Variants in SUPT20HL2 observed in about 807,000 individuals in gnomAD.
The protein encoded by SUPT20HL2 is SUPT20H like 2, also known as transcription factor SPT20 homolog-like 2.
For synonymous variants in SUPT20HL2, 125 were observed against 51.6 expected (o/e 2.42, Z -6.10); for missense variants, 288 against 127.4 (o/e 2.26, Z -6.07).
chrX:24,312,963 G>C lies in SUPT20HL2; in HGVS notation c.353C>G (p.Ala118Gly), dbSNP rs1939148927. 2.7e-6 allele frequency: 1 copy of C among 367,533 alleles called. No homozygotes were observed. The highest frequency in any genetic ancestry group is 5.4e-6 in the Non-Finnish European group (1 of 184,607). 30.3% of individuals were successfully genotyped at this position (367,533 alleles called of 1,213,427 possible). A position where few individuals can be genotyped will look rare whatever the true frequency, so the allele number is the denominator to read the frequency against. The change falls in exon 1 of 1, where the codon GCA (alanine) becomes GGA (glycine). Residue 118 changes from alanine (A) to glycine (G), a missense_variant. Coordinates refer to ENST00000486479, the MANE Select transcript of SUPT20HL2 (RefSeq NM_001136233.3). The stretch of plus-strand genomic sequence containing the variant: ...ACCCAAAGCAGGGGGTAATTCTTCT[G>C]CATCCAAGTAGTCCAGCAATGCCCT... Reference protein sequence around the residue: ...EERALLDYLDAEELPPALGDV... With the variant: ...EERALLDYLDGEELPPALGDV...
At position 24,309,950 on chromosome X, in the gene SUPT20HL2, G is replaced by A. The variant is rs1353224654; in HGVS notation, c.*912C>T. Among the ~76,000 whole-genome samples the A allele has an allele frequency of 9.2e-6, 1 of 108,925 alleles. No homozygotes were observed. Among genetic ancestry groups the A allele is most frequent in the Non-Finnish European group, 1.9e-5 (1 of 52,464 alleles). 94.6% of individuals were successfully genotyped at this position (108,925 alleles called of 115,157 possible). A position where few individuals can be genotyped will look rare whatever the true frequency, so the allele number is the denominator to read the frequency against. ...GCAGTGTGACAAGCATCACTGTACTGTACTTTTTTTTCATTTTTCAAAATG... is the reference window on the plus strand; with the variant it reads ...GCAGTGTGACAAGCATCACTGTACTATACTTTTTTTTCATTTTTCAAAATG... On this transcript the variant is annotated 3_prime_UTR_variant, in exon 1 of 1. Coordinates refer to ENST00000486479, the MANE Select transcript of SUPT20HL2 (RefSeq NM_001136233.3).
rs187541219 is a variant in SUPT20HL2 at position 24,310,207 on chromosome X, C to T, written c.*655G>A. Among the ~76,000 whole-genome samples the T allele has an allele frequency of 9.0e-6, 1 of 111,370 alleles. No homozygotes were observed. Among genetic ancestry groups the T allele is most frequent in the East Asian group, 2.8e-4 (1 of 3,560 alleles). On this transcript the variant is annotated 3_prime_UTR_variant, in exon 1 of 1. Transcript: ENST00000486479. ...AAGCCACTCACCAAGTGACAAATGC[C>T]ATATGATTCCACTTCCATGAAATGG...
rs775040325 is a variant in SUPT20HL2 at position 24,308,682 on chromosome X, AG to A, written c.*2179del. Among the ~76,000 whole-genome samples the A allele has an allele frequency of 1.8e-5, 2 of 112,234 alleles. No individual in the cohort carries two copies. The highest frequency in any genetic ancestry group is 5.6e-4 in the East Asian group (2 of 3,587). ...AACAGAGAAATGTACATGTGTACCTAGAAAAACTAATATTACATAGGGTACC... is the reference window on the plus strand; with the variant it reads ...AACAGAGAAATGTACATGTGTACCTAAAAAACTAATATTACATAGGGTACC... On this transcript the variant is annotated 3_prime_UTR_variant, in exon 1 of 1. Transcript: ENST00000486479.
chrX:24,310,508 T>A lies in SUPT20HL2; in HGVS notation c.*354A>T, dbSNP rs1939113294. 8.9e-6 allele frequency among the ~76,000 whole-genome samples: 1 copy of A among 112,732 alleles called. No homozygotes were observed. The highest frequency in any genetic ancestry group is 1.9e-5 in the Non-Finnish European group (1 of 53,373). Reference sequence around the variant, plus strand: ...ATATTAACTTAAAATTAAAATCTTGTTAAAATATTAACTTAACATTGTTGG... The same window carrying A: ...ATATTAACTTAAAATTAAAATCTTGATAAAATATTAACTTAACATTGTTGG... On this transcript the variant is annotated 3_prime_UTR_variant, in exon 1 of 1. Transcript: ENST00000486479.
At position 24,312,355 on chromosome X, in the gene SUPT20HL2, C is replaced by T. The variant is rs1939140941; in HGVS notation, c.961G>A (p.Ala321Thr). The T allele has an allele frequency of 5.2e-6, 2 of 385,638 alleles. No homozygotes were observed. The highest frequency in any genetic ancestry group is 1.0e-5 in the Non-Finnish European group (2 of 192,357). The allele number at this position is 385,638 out of a possible 1,213,427, so 31.8% of individuals were successfully genotyped here. A position where few individuals can be genotyped will look rare whatever the true frequency, so the allele number is the denominator to read the frequency against. Reference protein sequence around the residue: ...LAKGYQSVTAADPQLPVWPAQ... With the variant: ...LAKGYQSVTATDPQLPVWPAQ... ...GGCCAGACTGGGAGCTGTGGGTCAG[C>T]AGCTGTGACGGACTGATACCCTTTA... The change falls in exon 1 of 1, where the codon GCT becomes ACT. Residue 321 changes from alanine (A) to threonine (T), a missense_variant. Transcript: ENST00000486479.
Position 24,309,728 on chromosome X carries a change from T to TAA in SUPT20HL2, c.*1132_*1133dup, listed in dbSNP as rs1939098610. On this transcript the variant is annotated 3_prime_UTR_variant, in exon 1 of 1. Transcript: ENST00000486479. ...ATTAAAAAAAAAAAGAAAAAAATAA[T>TAA]AAAAATAAAAAAAAAAAGAAAAAAA... Among the ~76,000 whole-genome samples the TAA allele has an allele frequency of 2.0e-3, 25 of 12,762 alleles. No individual in the cohort carries two copies. The highest frequency in any genetic ancestry group is 2.9e-3 in the Admixed American group (2 of 687). 11.1% of individuals were successfully genotyped at this position (12,762 alleles called of 115,157 possible). A position where few individuals can be genotyped will look rare whatever the true frequency, so the allele number is the denominator to read the frequency against.
At position 24,309,734 on chromosome X, in the gene SUPT20HL2, T is replaced by TAAAAAAAAAAATAAAAAAAAAAAAA. The variant is rs1429702092; in HGVS notation, c.*1127_*1128insTTTTTTTTTTTTTATTTTTTTTTTT. On this transcript the variant is annotated 3_prime_UTR_variant, in exon 1 of 1. Coordinates refer to ENST00000486479, the MANE Select transcript of SUPT20HL2 (RefSeq NM_001136233.3). Reference sequence around the variant, plus strand: ...AAAAAAAAGAAAAAAATAATAAAAATAAAAAAAAAAAGAAAAAAAAAAAAA... The same window carrying TAAAAAAAAAAATAAAAAAAAAAAAA: ...AAAAAAAAGAAAAAAATAATAAAAATAAAAAAAAAAATAAAAAAAAAAAAAAAAAAAAAAAAGAAAAAAAAAAAAA... 6.4e-5 allele frequency among the ~76,000 whole-genome samples: 1 copy of TAAAAAAAAAAATAAAAAAAAAAAAA among 15,706 alleles called. No individual in the cohort carries two copies. The highest frequency in any genetic ancestry group is 9.6e-5 in the Non-Finnish European group (1 of 10,392). 13.6% of individuals were successfully genotyped at this position (15,706 alleles called of 115,157 possible). A position where few individuals can be genotyped will look rare whatever the true frequency, so the allele number is the denominator to read the frequency against.
At position 24,308,351 on chromosome X, in the gene SUPT20HL2, C is replaced by T; in HGVS notation, c.*2511G>A. On this transcript the variant is annotated 3_prime_UTR_variant, in exon 1 of 1. Transcript: ENST00000486479. ...GGAGAAAGCACACCAAATTTGGTGA[C>T]ATACTGAATTCAGGTCACTGCTTAG... 2.7e-6 allele frequency: 1 copy of T among 372,992 alleles called. No individual in the cohort carries two copies. The highest frequency in any genetic ancestry group is 7.5e-5 in the East Asian group (1 of 13,365). 30.7% of individuals were successfully genotyped at this position (372,992 alleles called of 1,213,427 possible).
chrX:24,308,859 T>C lies in SUPT20HL2; in HGVS notation c.*2003A>G, dbSNP rs1424374378. On this transcript the variant is annotated 3_prime_UTR_variant, in exon 1 of 1. Coordinates refer to ENST00000486479, the MANE Select transcript of SUPT20HL2 (RefSeq NM_001136233.3). ...ACAAAAATGTGCTATATACAAACAA[T>C]GGAATGTTATCGAACCACAGAAAGG... Among the ~76,000 whole-genome samples, 1 of 111,841 alleles carries C rather than the reference T, an allele frequency of 8.9e-6. No individual in the cohort carries two copies. Among genetic ancestry groups the C allele is most frequent in the Non-Finnish European group, 1.9e-5 (1 of 53,241 alleles).
rs766260761 is a variant in SUPT20HL2, at chrX:24,313,943, C to T, written c.-628G>A. ...GGGTCAGCTTCTAGGCGCGTCTGGG[C>T]ACCTGCCCAGAAACCTGCCCCCAGG... is the stretch of plus-strand genomic sequence containing the variant. On this transcript the variant is annotated 5_prime_UTR_variant, in exon 1 of 1. Transcript: ENST00000486479. 1.0e-4 allele frequency: 37 copies of T among 363,925 alleles called. 1 individual carries two copies. The highest frequency in any genetic ancestry group is 8.3e-4 in the South Asian group (34 of 41,208). 30.0% of individuals were successfully genotyped at this position (363,925 alleles called of 1,213,427 possible).
chrX:24,308,274 C>T lies in SUPT20HL2; in HGVS notation c.*2588G>A. The T allele has an allele frequency of 2.7e-6, 1 of 375,154 alleles. No individual in the cohort carries two copies. The highest frequency in any genetic ancestry group is 2.3e-5 in the South Asian group (1 of 42,770). The allele number at this position is 375,154 out of a possible 1,213,427, so 30.9% of individuals were successfully genotyped here. A position where few individuals can be genotyped will look rare whatever the true frequency, so the allele number is the denominator to read the frequency against. ...GGAAGGGAAGGTCACATCACTGAAG[C>T]ACAAATTTGGCTGTTGTCTCCATGT... On this transcript the variant is annotated 3_prime_UTR_variant, in exon 1 of 1. Coordinates refer to ENST00000486479, the MANE Select transcript of SUPT20HL2 (RefSeq NM_001136233.3).
rs1939088877 is a variant in SUPT20HL2, at chrX:24,309,088, G to C, written c.*1774C>G. ...CACGCTAGTGCTTAATGGGTACAGA[G>C]ATTGCTTGGTGGGTGATGAAAATGT... is the stretch of plus-strand genomic sequence containing the variant. On this transcript the variant is annotated 3_prime_UTR_variant, in exon 1 of 1. Transcript: ENST00000486479. 9.0e-6 allele frequency among the ~76,000 whole-genome samples: 1 copy of C among 111,367 alleles called. No individual in the cohort carries two copies. The highest frequency in any genetic ancestry group is 1.9e-5 in the Non-Finnish European group (1 of 52,813).
At position 24,312,409 on chromosome X, in the gene SUPT20HL2, G is replaced by A. The variant is rs181265562; in HGVS notation, c.907C>T (p.Pro303Ser). The stretch of plus-strand genomic sequence containing the variant: ...AGTTTCTCCACATCCACTTCTGAAG[G>A]CACGGCCAAATCACAGGGTCTGCCT... ...WKGRPCDLAVPSEVDVEKLAK... is the reference protein window; with the variant it reads ...WKGRPCDLAVSSEVDVEKLAK... The change falls in exon 1 of 1, where the codon CCT becomes TCT. Residue 303 changes from proline to serine, a missense_variant. Transcript: ENST00000486479. The A allele has an allele frequency of 1.8e-4, 69 of 384,985 alleles. No homozygotes were observed. Among genetic ancestry groups the A allele is most frequent in the Non-Finnish European group, 2.9e-4 (55 of 192,315 alleles). The allele number at this position is 384,985 out of a possible 1,213,427, so 31.7% of individuals were successfully genotyped here. A position where few individuals can be genotyped will look rare whatever the true frequency, so the allele number is the denominator to read the frequency against.
chrX:24,311,451 T>A lies in SUPT20HL2; in HGVS notation c.1865A>T (p.Asp622Val). The A allele has an allele frequency of 2.6e-6, 1 of 387,475 alleles. No individual in the cohort carries two copies. Among genetic ancestry groups the A allele is most frequent in the Non-Finnish European group, 5.2e-6 (1 of 192,665 alleles). The allele number at this position is 387,475 out of a possible 1,213,427, so 31.9% of individuals were successfully genotyped here. ...TGCCTGCACTGCACCGGGCCTTGCATCTGGTAGTGGACCTCCTGAGGACTG... is the reference window on the plus strand; with the variant it reads ...TGCCTGCACTGCACCGGGCCTTGCAACTGGTAGTGGACCTCCTGAGGACTG... ...GLQSSGGPLP[D>V]ARPGAVQASS... The change falls in exon 1 of 1, where the codon GAT (aspartate) becomes GTT (valine). Residue 622 changes from aspartate to valine, a missense_variant. Transcript: ENST00000486479.
At position 24,313,526 on chromosome X, in the gene SUPT20HL2, T is replaced by A. The variant is rs1161952907; in HGVS notation, c.-211A>T. 2.8e-5 allele frequency among the ~76,000 whole-genome samples: 3 copies of A among 107,198 alleles called. No homozygotes were observed. The highest frequency in any genetic ancestry group is 5.8e-5 in the Non-Finnish European group (3 of 51,859). The allele number at this position is 107,198 out of a possible 115,157, so 93.1% of individuals were successfully genotyped here. A position where few individuals can be genotyped will look rare whatever the true frequency, so the allele number is the denominator to read the frequency against. ...TCTGAAAACATGGGTACCTGAGGGG[T>A]CGTCGTCGTGGCCGGGCTTCACGTC... On this transcript the variant is annotated 5_prime_UTR_variant, in exon 1 of 1. Transcript: ENST00000486479.
In SUPT20HL2 at chrX:24,309,747, A is replaced by AAAAAAAAAAAAAAAAAAAG. The variant is rs1939103067; in HGVS notation, c.*1114_*1115insCTTTTTTTTTTTTTTTTTT. Among the ~76,000 whole-genome samples the AAAAAAAAAAAAAAAAAAAG allele has an allele frequency of 3.7e-4, 1 of 2,702 alleles. No individual in the cohort carries two copies. The highest frequency in any genetic ancestry group is 7.4e-4 in the Non-Finnish European group (1 of 1,347). The allele number at this position is 2,702 out of a possible 115,157, so 2.3% of individuals were successfully genotyped here. A position where few individuals can be genotyped will look rare whatever the true frequency, so the allele number is the denominator to read the frequency against. On this transcript the variant is annotated 3_prime_UTR_variant, in exon 1 of 1. Coordinates refer to ENST00000486479, the MANE Select transcript of SUPT20HL2 (RefSeq NM_001136233.3). ...AAATAATAAAAATAAAAAAAAAAAGAAAAAAAAAAAAAAAAAAAAAAACAT... is the reference window on the plus strand; with the variant it reads ...AAATAATAAAAATAAAAAAAAAAAGAAAAAAAAAAAAAAAAAAAGAAAAAAAAAAAAAAAAAAAAAACAT...
chrX:24,311,658 C>T lies in SUPT20HL2; in HGVS notation c.1658G>A (p.Arg553His), dbSNP rs748976213. Residue 553 changes from arginine (R) to histidine (H), a missense_variant, in exon 1 of 1, where the codon CGC becomes CAC. By Grantham distance (29) the Arg-to-His change is conservative (BLOSUM62 0). Coordinates refer to ENST00000486479, the MANE Select transcript of SUPT20HL2 (RefSeq NM_001136233.3). ...KASRRRPAAG[R>H]PTRFVKIAPA... ...GGCTATTTTTACGAATCTGGTGGGG[C>T]GCCCGGCAGCTGGACGGCGCCTGCT... 2 of 384,280 alleles carry T rather than the reference C, an allele frequency of 5.2e-6. No individual in the cohort carries two copies. The highest frequency in any genetic ancestry group is 1.0e-5 in the Non-Finnish European group (2 of 191,098). 31.7% of individuals were successfully genotyped at this position (384,280 alleles called of 1,213,427 possible).
Position 24,309,746 on chromosome X carries a change from G to GAAAAAAAAAAAAAAAAAAAAAAAAAAAA in SUPT20HL2, c.*1115_*1116insTTTTTTTTTTTTTTTTTTTTTTTTTTTT. 0.012 allele frequency among the ~76,000 whole-genome samples: 270 copies of GAAAAAAAAAAAAAAAAAAAAAAAAAAAA among 21,780 alleles called. 4 individuals are homozygous for GAAAAAAAAAAAAAAAAAAAAAAAAAAAA. Among genetic ancestry groups the GAAAAAAAAAAAAAAAAAAAAAAAAAAAA allele is most frequent in the Non-Finnish European group, 0.015 (221 of 14,572 alleles). 18.9% of individuals were successfully genotyped at this position (21,780 alleles called of 115,157 possible). On this transcript the variant is annotated 3_prime_UTR_variant, in exon 1 of 1. Transcript: ENST00000486479. ...AAAATAATAAAAATAAAAAAAAAAA[G>GAAAAAAAAAAAAAAAAAAAAAAAAAAAA]AAAAAAAAAAAAAAAAAAAAAAACA...
At position 24,311,752 on chromosome X, in the gene SUPT20HL2, C is replaced by T; in HGVS notation, c.1564G>A (p.Val522Met). 1 of 353,035 alleles carries T rather than the reference C, an allele frequency of 2.8e-6. No individual in the cohort carries two copies. Among genetic ancestry groups the T allele is most frequent in the Non-Finnish European group, 5.7e-6 (1 of 176,139 alleles). 29.1% of individuals were successfully genotyped at this position (353,035 alleles called of 1,213,427 possible). ...AAAPALAAAA[V>M]AAAAGGAAPS... ...GCCGCCCCACCGGCCGCCGCCGCCA[C>T]AGCAGCAGCAGCTAAAGCAGGAGCA... Residue 522 changes from valine to methionine, a missense_variant, in exon 1 of 1, where the codon GTG becomes ATG. Transcript: ENST00000486479.
Sources: gnomAD v4.1 joint callset for allele counts (sites outside exome capture counted in the v4.1 genomes callset) on GRCh38, gnomAD v4.1.1 for gene constraint, MANE v1.5 for transcripts, NCBI Gene and HGNC (gene_info 2026-07-23, HGNC 2026-07-21) for gene names.